Variants in MAF observed in about 807,000 individuals in gnomAD.
MAF encodes transcription factor Maf.
A neutral mutation model predicts 22.0 loss-of-function variants in MAF; 10 were observed. That is an observed-to-expected ratio of 0.45 (90% CI 0.28 to 0.77). The LOEUF (loss-of-function observed/expected upper bound fraction) is 0.77, where lower values mean the gene tolerates loss of function less well. Among genes scored for constraint, MAF ranks in the 30% least tolerant of loss-of-function variants. MAF has a pLI of 0.12. For missense variants in MAF, 544 were observed against 548.4 expected (o/e 0.99, Z 0.08); for synonymous variants, 337 against 255.8 (o/e 1.32, Z -3.03).
At chr16:79,577,644 A>T in the MAF span, among the ~76,000 whole-genome samples, 1 of 152,206 alleles carries the variant, frequency 6.6e-6, no homozygotes, top group African/African-American at 2.4e-5. Context: ...CTAACTCCTG[A>T]CATGCTGGAA....
chr16:79,380,648 A>T, the MAF span, among the ~76,000 whole-genome samples: 2 of 152,232 alleles, frequency 1.3e-5, no homozygotes, highest in Non-Finnish European at 2.9e-5. Flanking sequence ...AATACTCAAT[A>T]AACCCTCTCT....
At chr16:79,212,826 T>TTTGTG in the MAF span, 18 of 152,176 alleles carry the variant, frequency 1.2e-4, no homozygotes, top group African/African-American at 4.1e-4. Flanking sequence ...TCTGAGTGAG[T>TTTGTG]TTGTGTTTTG....
the MAF span, among the ~76,000 whole-genome samples, chr16:79,337,892 C>T: frequency 5.3e-5 from 8 of 152,172 alleles, no homozygotes; most frequent in Non-Finnish European, 1.2e-4. Context: ...TTTAAATTTC[C>T]AGTGGATGGG....
At chr16:79,458,164 C>T in the MAF span, among the ~76,000 whole-genome samples, 1 of 108,866 alleles carries the variant, frequency 9.2e-6, no homozygotes, top group African/African-American at 2.8e-5. Context: ...TGTGTGACTA[C>T]TCAGCTAACT....
the MAF span, among the ~76,000 whole-genome samples, chr16:79,208,231 A>G: frequency 2.0e-5 from 3 of 152,196 alleles, no homozygotes; most frequent in East Asian, 3.9e-4. Context: ...GGGCATGATT[A>G]AAAAGATTCT....
chr16:79,393,661 A>C, the MAF span, among the ~76,000 whole-genome samples: 2 of 152,128 alleles, frequency 1.3e-5, no homozygotes, highest in Non-Finnish European at 2.9e-5. Context: ...ATTATTCCAG[A>C]AAGGTGGTCC....
the MAF span, chr16:79,206,041 G>A: frequency 6.6e-6 from 1 of 152,178 alleles, no homozygotes; most frequent in South Asian, 2.1e-4. Context: ...GTCACTTGCT[G>A]TTGGATCATC....
chr16:79,267,696 A>G, the MAF span, among the ~76,000 whole-genome samples: 14 of 152,288 alleles, frequency 9.2e-5, no homozygotes, highest in East Asian at 2.7e-3. Context: ...CTCCTCTTCT[A>G]TGAAATGAGA....
At chr16:79,326,409 C>T in the MAF span, among the ~76,000 whole-genome samples, 10 of 152,184 alleles carry the variant, frequency 6.6e-5, no homozygotes, top group African/African-American at 2.2e-4. Context: ...TTTTCCATCC[C>T]AAATTGCAGC....
At chr16:79,335,472 CA>C in the MAF span, among the ~76,000 whole-genome samples, 2 of 152,070 alleles carry the variant, frequency 1.3e-5, no homozygotes, top group Admixed American at 1.3e-4. Flanking sequence ...TCAGAAAGAC[CA>C]GGGGGGACAG....
At chr16:79,516,242 T>C in the MAF span, 1 of 152,294 alleles carries the variant, frequency 6.6e-6, no homozygotes. Flanking sequence ...TTTAGGGCTA[T>C]TTTTTACAAT....
chr16:79,486,643 C>T, the MAF span, among the ~76,000 whole-genome samples: 1 of 152,174 alleles, frequency 6.6e-6, no homozygotes, highest in South Asian at 2.1e-4. Context: ...CAGGACTTAC[C>T]AGTGCCTTTA....
At chr16:79,334,645 T>C in the MAF span, among the ~76,000 whole-genome samples, 12 of 152,236 alleles carry the variant, frequency 7.9e-5, no homozygotes, top group Non-Finnish European at 2.9e-5. Flanking sequence ...GAGCATTCAA[T>C]GAAAAGCAGG....
At chr16:79,550,541 A>G in the MAF span, among the ~76,000 whole-genome samples, 3 of 152,318 alleles carry the variant, frequency 2.0e-5, no homozygotes, top group East Asian at 5.8e-4. Flanking sequence ...TCTTCAGACT[A>G]CAACAGAAGC....
chr16:79,366,173 G>A, the MAF span, among the ~76,000 whole-genome samples: 2 of 152,132 alleles, frequency 1.3e-5, no homozygotes, highest in Non-Finnish European at 2.9e-5. Context: ...GCCCAAGCCT[G>A]GGAATAGTAT....
chr16:79,243,408 C>A, the MAF span, among the ~76,000 whole-genome samples: 1 of 151,792 alleles, frequency 6.6e-6, no homozygotes, highest in East Asian at 1.9e-4. Context: ...CACAGAAATA[C>A]AAACTATTGT....
At chr16:79,354,443 G>A in the MAF span, among the ~76,000 whole-genome samples, 1 of 152,178 alleles carries the variant, frequency 6.6e-6, no homozygotes, top group Non-Finnish European at 1.5e-5. Flanking sequence ...CAGGCCACAT[G>A]TACCTTTCGG....
the MAF span, among the ~76,000 whole-genome samples, chr16:79,246,769 C>G: frequency 6.6e-6 from 1 of 151,900 alleles, no homozygotes; most frequent in African/African-American, 2.4e-5. Flanking sequence ...GGAACTTTAC[C>G]CAAGAAAAAA....
the MAF span, among the ~76,000 whole-genome samples, chr16:79,499,574 C>G: frequency 1.3e-5 from 2 of 152,084 alleles, no homozygotes; most frequent in East Asian, 3.9e-4. Context: ...ATGGGGTCAT[C>G]ATGAATGGGG....
Sources: allele counts gnomAD v4.1 joint callset (sites outside exome capture counted in the v4.1 genomes callset), GRCh38; gene constraint gnomAD v4.1.1; transcripts MANE v1.5; gene names NCBI Gene and HGNC (gene_info 2026-07-23, HGNC 2026-07-21).